Variants in DAB1 observed in about 807,000 individuals in gnomAD.
The protein encoded by DAB1 is DAB adaptor protein 1, also known as disabled homolog 1.
DAB1 carries 15 observed loss-of-function variants against 64.6 expected under a neutral mutation model. The observed-to-expected ratio is 0.23, with a 90% CI of 0.16 to 0.36. DAB1 has a LOEUF of 0.36. DAB1 is among the 10% of genes least tolerant of loss of function. The pLI is 1.00. For missense variants in DAB1, 596 were observed against 706.7 expected, an observed-to-expected ratio of 0.84 and a Z score of 1.78; for synonymous variants, 235 against 251.9, an observed-to-expected ratio of 0.93 and a Z score of 0.64.
intron 1 of DAB1, among the ~76,000 whole-genome samples, chr1:57,365,696 C>T (rs1570377791): frequency 6.6e-6 from 1 of 152,086 alleles, no homozygotes; most frequent in South Asian, 2.1e-4. Context: ...ACTATCCACT[C>T]TACCAGGCTT....
intron 5 of DAB1, among the ~76,000 whole-genome samples, chr1:57,994,441 A>G (rs751604370): frequency 1.1e-4 from 17 of 152,180 alleles, no homozygotes; most frequent in Non-Finnish European, 2.4e-4. Flanking sequence ...TGAGGTCAGA[A>G]GCTGAAGCCG....
chr1:57,436,066 G>A (rs553231872), intron 7 of DAB1, among the ~76,000 whole-genome samples: 1 of 151,760 alleles, frequency 6.6e-6, no homozygotes, highest in Non-Finnish European at 1.5e-5. Flanking sequence ...ACAGGCACCC[G>A]CCACCAAAGC....
chr1:57,953,367 A>G (rs1402988179), intron 5 of DAB1, among the ~76,000 whole-genome samples: 1 of 152,168 alleles, frequency 6.6e-6, no homozygotes, highest in African/African-American at 2.4e-5. Flanking sequence ...AGTTTTGTTT[A>G]TTGCCTGCTA....
chr1:57,850,606 C>G lies in DAB1; in HGVS notation n.88-24151G>C, dbSNP rs1287465471. On this transcript the variant is annotated intron_variant and non_coding_transcript_variant, in intron 1 of 1. Coordinates refer to the DAB1 transcript ENST00000477280. ...AGTCGCTGTGGCTCCCCTCCCATGT[C>G]CTGTGGAGTGGCCTGTGGGCTCTGG... Among the ~76,000 whole-genome samples the G allele has an allele frequency of 2.0e-5, 3 of 152,298 alleles. No individual in the cohort carries two copies. The South Asian group carries it at 6.2e-4, about 32-fold the overall frequency.
chr1:57,365,663 C>A (rs539049691), intron 1 of DAB1, among the ~76,000 whole-genome samples: 1 of 152,064 alleles, frequency 6.6e-6, no homozygotes, highest in African/African-American at 2.4e-5. Flanking sequence ...CAAGTGAGGT[C>A]TCTCGGACCA....
chr1:57,221,052 G>C (rs912832507), intron 2 of DAB1, among the ~76,000 whole-genome samples: 1 of 152,176 alleles, frequency 6.6e-6, no homozygotes, highest in Admixed American at 6.5e-5. Flanking sequence ...ATATACCATG[G>C]AATACTATGC....
intron 4 of DAB1, among the ~76,000 whole-genome samples, chr1:57,124,428 A>T (rs952555798): frequency 7.2e-5 from 11 of 152,190 alleles, no homozygotes; most frequent in African/African-American, 2.7e-4. Context: ...GGAGCCATTT[A>T]TATGGAAGAT....
At chr1:57,560,627 C>A (rs990627007) in intron 7 of DAB1, among the ~76,000 whole-genome samples, 3 of 152,170 alleles carry the variant, frequency 2.0e-5, no homozygotes, top group African/African-American at 7.2e-5. Context: ...CCGAAGGCTG[C>A]CAGTTTTGAG....
intron 1 of DAB1, among the ~76,000 whole-genome samples, chr1:57,373,758 C>A (rs74637166): frequency 6.6e-6 from 1 of 152,292 alleles, no homozygotes; most frequent in Non-Finnish European, 1.5e-5. Flanking sequence ...GTGGCTCTCG[C>A]GCCACGGGTA....
intron 5 of DAB1, among the ~76,000 whole-genome samples, chr1:57,891,178 ACC>A (rs35077708): frequency 1.4e-4 from 22 of 152,234 alleles, no homozygotes; most frequent in Middle Eastern, 3.4e-3. Flanking sequence ...AAGACAAACA[ACC>A]CCACCAAAGA....
chr1:57,941,875 A>C (rs1306967841), intron 5 of DAB1, among the ~76,000 whole-genome samples: 1 of 152,174 alleles, frequency 6.6e-6, no homozygotes, highest in African/African-American at 2.4e-5. Flanking sequence ...TGGTGAAAAA[A>C]AGGTACTAAT....
chr1:57,562,270 G>T (rs1353812587), intron 7 of DAB1, among the ~76,000 whole-genome samples: 24 of 152,236 alleles, frequency 1.6e-4, no homozygotes. Context: ...CTACTTGGGA[G>T]GCTGAGGCAG....
chr1:57,430,322 A>G (rs1685452316), intron 7 of DAB1, among the ~76,000 whole-genome samples: 1 of 152,144 alleles, frequency 6.6e-6, no homozygotes, highest in South Asian at 2.1e-4. Context: ...TAGTACTTGC[A>G]CATGCCAGGC....
intron 4 of DAB1, among the ~76,000 whole-genome samples, chr1:57,083,654 T>G (rs1158705588): frequency 6.6e-6 from 1 of 152,190 alleles, no homozygotes; most frequent in Non-Finnish European, 1.5e-5. Context: ...AAAAGTGAAT[T>G]GACTAAAATG....
chr1:57,029,038 G>C (rs1646883266), intron 9 of DAB1, among the ~76,000 whole-genome samples: 2 of 152,220 alleles, frequency 1.3e-5, no homozygotes. Flanking sequence ...CCATGTCAGA[G>C]ACCTTCATGG....
intron 11 of DAB1, among the ~76,000 whole-genome samples, chr1:57,017,437 A>G (rs1380510430): frequency 6.6e-6 from 1 of 152,274 alleles, no homozygotes; most frequent in East Asian, 1.9e-4. Flanking sequence ...GTGAGCCCAG[A>G]GAGATCCAAT....
downstream of DAB1, among the ~76,000 whole-genome samples, chr1:57,822,011 T>A (rs1286994761): frequency 2.0e-5 from 3 of 152,214 alleles, no homozygotes; most frequent in African/African-American, 7.2e-5. Context: ...ATATCTCATC[T>A]CCGTCCCTAG....
At chr1:57,069,183 TCAA>T (rs1651212753) in intron 8 of DAB1, among the ~76,000 whole-genome samples, 174 bp downstream of exon 8, 1 of 152,176 alleles carries the variant, frequency 6.6e-6, no homozygotes, top group African/African-American at 2.4e-5. Context: ...CTATTAAACA[TCAA>T]CAACAAGGCA....
Position 58,085,319 on chromosome 1 carries a change from T to C in DAB1, n.387+65192A>G, listed in dbSNP as rs143704472. ...ATAGGTGAGCAAACCAGCGGCTCCA[T>C]ATAATCTTGATATTTTTATTTCTCT... On this transcript the variant is annotated intron_variant and non_coding_transcript_variant, in intron 5 of 20. Transcript: ENST00000485760. 2.6e-4 allele frequency among the ~76,000 whole-genome samples: 40 copies of C among 152,340 alleles called. No homozygotes were observed. The East Asian group carries it at 5.4e-3, about 21-fold the overall frequency.
Sources: gnomAD v4.1 joint callset for allele counts (sites outside exome capture counted in the v4.1 genomes callset) on GRCh38, gnomAD v4.1.1 for gene constraint, MANE v1.5 for transcripts, NCBI Gene and HGNC (gene_info 2026-07-23, HGNC 2026-07-21) for gene names.